The following CEP44 variants were observed in gnomAD, a reference collection of about 807,000 sequenced individuals.
The protein encoded by CEP44 is centrosomal protein of 44 kDa.
A neutral mutation model predicts 46.7 loss-of-function variants in CEP44; 45 were observed. That is an observed-to-expected ratio of 0.96 (90% confidence interval 0.76 to 1.24). The LOEUF (loss-of-function observed/expected upper bound fraction) is 1.24. Among genes scored for constraint, CEP44 ranks in the 50% most tolerant of loss-of-function variants. CEP44 has a pLI of 0.00. For missense variants in CEP44, 475 were observed against 459.7 expected (o/e 1.03, Z -0.30); for synonymous variants, 142 against 146.0 (o/e 0.97, Z 0.20).
Position 174,301,327 on chromosome 4 carries a change from T to A in CEP44, c.90-712T>A, listed in dbSNP as rs1391450639. Among the ~76,000 whole-genome samples, 1 of 152,148 alleles carries A rather than the reference T, an allele frequency of 6.6e-6. No homozygotes were observed. Among genetic ancestry groups the A allele is most frequent in the Non-Finnish European group, 1.5e-5 (1 of 67,996 alleles). Reference sequence around the variant, plus strand: ...AAGACAGGAAACACTACCAGACAGATAAAGACACAGCAGATACTGAGTAGC... The same window carrying A: ...AAGACAGGAAACACTACCAGACAGAAAAAGACACAGCAGATACTGAGTAGC... On this transcript the variant is annotated intron_variant, in intron 3 of 11. Transcript: ENST00000503780. The surrounding 1 kb of genome is among the most constrained non-coding windows in gnomAD (Gnocchi z 4.3).
In CEP44 at chr4:174,310,853, A is replaced by T; in HGVS notation, c.956A>T (p.Asn319Ile). The part of the protein sequence containing the change: ...YASCSDMDLL[N>I]PHRKSEVERP... The stretch of plus-strand genomic sequence containing the variant: ...TCTTGTAGTGACATGGACCTTCTGA[A>T]TCCTCGTAAGTTTGTAAATACTATG... The change falls in exon 9 of 12, where the codon AAT (asparagine) becomes ATT (isoleucine). Residue 319 changes from asparagine to isoleucine, a missense_variant. Coordinates refer to ENST00000503780, the MANE Select transcript of CEP44 (RefSeq NM_001040157.3). This position sits in a 1 kb window ranked among gnomAD's most constrained non-coding sequence, Gnocchi z 4.2. 1 of 1,446,904 alleles carries T rather than the reference A, an allele frequency of 6.9e-7. No homozygotes were observed. Among genetic ancestry groups the T allele is most frequent in the African/African-American group, 1.4e-5 (1 of 70,830 alleles). 89.6% of individuals were successfully genotyped at this position (1,446,904 alleles called of 1,614,324 possible). A position where few individuals can be genotyped will look rare whatever the true frequency, so the allele number is the denominator to read the frequency against.
rs1737659238 is a variant in CEP44 at position 174,287,097 on chromosome 4, A to G, written c.-148+3154A>G. On this transcript the variant is annotated intron_variant, in intron 1 of 11. Transcript: ENST00000503780. This position sits in a 1 kb window ranked among gnomAD's most constrained non-coding sequence, Gnocchi z 5.1. ...TGACTGACAATGGTGGTGGCTTATT[A>G]AAGTGAAGAATCAGCATCAAGAGGG... 6.6e-6 allele frequency among the ~76,000 whole-genome samples: 1 copy of G among 152,208 alleles called. No individual in the cohort carries two copies. The highest frequency in any genetic ancestry group is 2.4e-5 in the African/African-American group (1 of 41,438).
chr4:174,293,001 C>G (rs1182094438), intron 1 of CEP44, among the ~76,000 whole-genome samples: 1 of 152,210 alleles, frequency 6.6e-6, no homozygotes, highest in Non-Finnish European at 1.5e-5. Context: ...CACTTCTGTA[C>G]TAAACAGAGT....
chr4:174,302,099 C>T lies in CEP44; in HGVS notation c.150C>T (p.Tyr50=), dbSNP rs563605142. 1.2e-6 allele frequency: 2 copies of T among 1,612,260 alleles called. No individual in the cohort carries two copies. The highest frequency in any genetic ancestry group is 2.7e-5 in the African/African-American group (2 of 74,962). Residue 50 remains tyrosine (Y), a synonymous_variant, in exon 4 of 12, where the codon TAC becomes TAT. Coordinates refer to ENST00000503780, the MANE Select transcript of CEP44 (RefSeq NM_001040157.3). The stretch of plus-strand genomic sequence containing the variant: ...TCATCAGCTATTCTTTTACCTCATA[C>T]TCACCTTATGTAACAGAACTTATAA... The part of the protein sequence containing the change: ...LPIISYSFTS[Y]SPYVTELIME...
chr4:174,316,426 T>C (rs1394841354), intron 10 of CEP44, 104 bp from the exon 11 acceptor site: 16 of 1,348,410 alleles, frequency 1.2e-5, no homozygotes, highest in Admixed American at 7.6e-5. Flanking sequence ...AAGTAAACAG[T>C]ACTTAATGCA....
intron 4 of CEP44, among the ~76,000 whole-genome samples, 192 bp from the exon 5 acceptor site, chr4:174,303,511 C>T (rs185115514): frequency 2.8e-4 from 42 of 152,296 alleles, no homozygotes; most frequent in African/African-American, 7.7e-4. Flanking sequence ...CTGTTTTCCA[C>T]CTGATACCTG....
Position 174,308,809 on chromosome 4 carries a change from G to A in CEP44, c.628G>A (p.Glu210Lys). The A allele has an allele frequency of 6.2e-7, 1 of 1,613,322 alleles. No homozygotes were observed. Among genetic ancestry groups the A allele is most frequent in the Non-Finnish European group, 8.5e-7 (1 of 1,179,462 alleles). ...AVDVSDLNAT[E>K]IKMPEVKVPE... ...TGATGTGTCTGACTTAAATGCTACT[G>A]AAATAAAGATGCCTGAAGTAAAGGT... is the stretch of plus-strand genomic sequence containing the variant. Residue 210 changes from glutamate to lysine, a missense_variant, in exon 7 of 12, where the codon GAA becomes AAA. Coordinates refer to ENST00000503780, the MANE Select transcript of CEP44 (RefSeq NM_001040157.3).
Position 174,297,384 on chromosome 4 carries a change from T to C in CEP44, c.-147-582T>C, listed in dbSNP as rs1183147893. ...TACTGAAGCTTCCCTCTAATAGTTATTGACCTTTGGGCATATATTCAGTTT... is the reference window on the plus strand; with the variant it reads ...TACTGAAGCTTCCCTCTAATAGTTACTGACCTTTGGGCATATATTCAGTTT... On this transcript the variant is annotated intron_variant, in intron 1 of 11. Coordinates refer to ENST00000503780, the MANE Select transcript of CEP44 (RefSeq NM_001040157.3). This position sits in a 1 kb window ranked among gnomAD's most constrained non-coding sequence, Gnocchi z 4.3. Among the ~76,000 whole-genome samples the C allele has an allele frequency of 2.0e-5, 3 of 152,208 alleles. No individual in the cohort carries two copies. The highest frequency in any genetic ancestry group is 6.5e-5 in the Admixed American group (1 of 15,288).
rs182381632 is a variant in CEP44 at position 174,317,849 on chromosome 4, A to G, written c.*466A>G. 30 of 985,840 alleles carry G rather than the reference A, an allele frequency of 3.0e-5. No individual in the cohort carries two copies. Among genetic ancestry groups the G allele is most frequent in the African/African-American group, 7.0e-5 (4 of 57,352 alleles). The allele number at this position is 985,840 out of a possible 1,614,324, so 61.1% of individuals were successfully genotyped here. On this transcript the variant is annotated 3_prime_UTR_variant, in exon 12 of 12. Transcript: ENST00000503780. ...TTATAATGAACAGTTAAAAATGCTC[A>G]TTGAAAATTAAATAAAACAAAAAGG...
rs1351939948 is a variant in CEP44 at position 174,301,263 on chromosome 4, T to G, written c.90-776T>G. On this transcript the variant is annotated intron_variant, in intron 3 of 11. Transcript: ENST00000503780. The surrounding 1 kb of genome is among the most constrained non-coding windows in gnomAD (Gnocchi z 4.3). ...TGAACAAATACCTCCTGTGCTTTGT[T>G]GTGGGAAAATCAGTGAAGGTACTTC... Among the ~76,000 whole-genome samples the G allele has an allele frequency of 2.6e-5, 4 of 152,122 alleles. No individual in the cohort carries two copies. The highest frequency in any genetic ancestry group is 5.9e-5 in the Non-Finnish European group (4 of 68,006).
intron 1 of CEP44, among the ~76,000 whole-genome samples, chr4:174,289,032 C>T (rs1737866450): frequency 6.6e-6 from 1 of 152,052 alleles, no homozygotes; most frequent in Non-Finnish European, 1.5e-5. Flanking sequence ...TGAGTTTTAT[C>T]CTTCATTCTA....
rs959400205 is a variant in CEP44 at position 174,319,333 on chromosome 4, A to G, written c.*1950A>G. On this transcript the variant is annotated 3_prime_UTR_variant, in exon 12 of 12. Transcript: ENST00000503780. ...AACTTCTGTATCGATTAACTCCTAA[A>G]ATATCAGTACCAGCATGGAATTATA... 1.0e-6 allele frequency: 1 copy of G among 984,272 alleles called. No individual in the cohort carries two copies. The highest frequency in any genetic ancestry group is 1.7e-5 in the African/African-American group (1 of 57,188). The allele number at this position is 984,272 out of a possible 1,614,324, so 61.0% of individuals were successfully genotyped here.
In CEP44 at chr4:174,319,062, A is replaced by G; in HGVS notation, c.*1679A>G. On this transcript the variant is annotated 3_prime_UTR_variant, in exon 12 of 12. Transcript: ENST00000503780. ...GAGCTAAAGCTACTCGCCCACCTGG[A>G]TGTCCCAAAGTGCTAGATTCCATGG... 1 of 779,094 alleles carries G rather than the reference A, an allele frequency of 1.3e-6. No homozygotes were observed. The highest frequency in any genetic ancestry group is 1.6e-6 in the Non-Finnish European group (1 of 642,370). The allele number at this position is 779,094 out of a possible 1,614,324, so 48.3% of individuals were successfully genotyped here. A position where few individuals can be genotyped will look rare whatever the true frequency, so the allele number is the denominator to read the frequency against.
rs1053371562 is a variant in CEP44, at chr4:174,325,394, C to T, written c.1087-6088C>T. ...TGTAGCCATGTACAGTCACTCATGC[C>T]TGTAATTCCAGCACTTTGGGAGGCT... On this transcript the variant is annotated intron_variant, in intron 8 of 8. Coordinates refer to the CEP44 transcript ENST00000426172. This position sits in a 1 kb window ranked among gnomAD's most constrained non-coding sequence, Gnocchi z 4.4. Among the ~76,000 whole-genome samples the T allele has an allele frequency of 2.6e-5, 4 of 152,066 alleles. No individual in the cohort carries two copies. The highest frequency in any genetic ancestry group is 2.1e-4 in the South Asian group (1 of 4,820).
chr4:174,291,812 T>TTTTTTTC (rs1553979231), intron 1 of CEP44, among the ~76,000 whole-genome samples: 1 of 134,620 alleles, frequency 7.4e-6, no homozygotes, highest in African/African-American at 2.9e-5. Context: ...TTTTTTTTTT[T>TTTTTTTC]CCAGGTCTGG....
Position 174,306,317 on chromosome 4 carries a change from G to A in CEP44, c.507+1948G>A, listed in dbSNP as rs1243125789. On this transcript the variant is annotated intron_variant, in intron 6 of 11. Transcript: ENST00000503780. ...TTGTTTAACAGAAAAATTGTAATGA[G>A]CCCTACTCATAGAGCCAGTTTTTGA... Among the ~76,000 whole-genome samples, 3 of 152,010 alleles carry A rather than the reference G, an allele frequency of 2.0e-5. No individual in the cohort carries two copies. In the East Asian group the frequency reaches 5.8e-4, roughly 29 times the overall value.
rs1169501184 is a variant in CEP44 at position 174,286,157 on chromosome 4, A to C, written c.-148+2214A>C. On this transcript the variant is annotated intron_variant, in intron 1 of 11. Coordinates refer to ENST00000503780, the MANE Select transcript of CEP44 (RefSeq NM_001040157.3). The surrounding 1 kb of genome is among the most constrained non-coding windows in gnomAD (Gnocchi z 5.2). ...CATGTTGATAAAGGAGACTAGGAAC[A>C]GAAAGGTAGGTTCATAAAGAGGGAG... Among the ~76,000 whole-genome samples the C allele has an allele frequency of 6.6e-6, 1 of 152,254 alleles. No homozygotes were observed. Among genetic ancestry groups the C allele is most frequent in the Admixed American group, 6.5e-5 (1 of 15,292 alleles).
chr4:174,284,700 C>T (rs1456995162), intron 1 of CEP44, among the ~76,000 whole-genome samples: 1 of 152,166 alleles, frequency 6.6e-6, no homozygotes, highest in Non-Finnish European at 1.5e-5. Context: ...CTTACTCCTC[C>T]CCACTCCCGC....
At position 174,314,468 on chromosome 4, in the gene CEP44, G is replaced by A. The variant is rs1741429553; in HGVS notation, c.962-1698G>A. 3.3e-5 allele frequency among the ~76,000 whole-genome samples: 5 copies of A among 152,166 alleles called. No individual in the cohort carries two copies. The highest frequency in any genetic ancestry group is 3.3e-4 in the Admixed American group (5 of 15,284). ...TCTGTAGCCTCTGGAATCCTCTGTA[G>A]GAATAACTATGAATAGCCTGCCAGC... On this transcript the variant is annotated intron_variant, in intron 9 of 11. Coordinates refer to ENST00000503780, the MANE Select transcript of CEP44 (RefSeq NM_001040157.3). This position sits in a 1 kb window ranked among gnomAD's most constrained non-coding sequence, Gnocchi z 4.1.
Sources: allele counts gnomAD v4.1 joint callset (sites outside exome capture counted in the v4.1 genomes callset), GRCh38; gene constraint gnomAD v4.1.1; non-coding constraint Gnocchi (gnomAD v3.1); transcripts MANE v1.5; gene names NCBI Gene and HGNC (gene_info 2026-07-23, HGNC 2026-07-21).